Variants in NAALADL2 observed in about 807,000 individuals in gnomAD.
NAALADL2 encodes inactive N-acetylated-alpha-linked acidic dipeptidase-like protein 2.
NAALADL2 carries 76 observed loss-of-function variants against 87.2 expected under a neutral mutation model. The ratio of observed to expected loss-of-function variants is 0.87; its 90% confidence interval spans 0.72 to 1.05. NAALADL2 has a LOEUF of 1.05. Ranked by LOEUF, NAALADL2 falls within the 50% of genes least tolerant of loss-of-function variation. The pLI, the probability that NAALADL2 is intolerant of heterozygous loss-of-function variation, is 0.00. For synonymous variants in NAALADL2, 354 were observed against 331.0 expected, an observed-to-expected ratio of 1.07 and a Z score of -0.75; for missense variants, 1,089 against 945.8, an observed-to-expected ratio of 1.15 and a Z score of -1.99.
chr3:174,840,379 A>C (rs1260779968), intron 3 of NAALADL2, among the ~76,000 whole-genome samples: 1 of 152,120 alleles, frequency 6.6e-6, no homozygotes, highest in East Asian at 1.9e-4. Flanking sequence ...CAAGGTGTGC[A>C]CTAGGAGTCG....
At chr3:174,879,311 C>T (rs1000642761) in intron 1 of NAALADL2, among the ~76,000 whole-genome samples, 1 of 151,920 alleles carries the variant, frequency 6.6e-6, no homozygotes, top group Admixed American at 6.6e-5. Context: ...TTAATTTTGC[C>T]AAAGCCAAAT....
At chr3:175,076,726 A>C (rs1041470962) in intron 1 of NAALADL2, among the ~76,000 whole-genome samples, 4 of 152,210 alleles carry the variant, frequency 2.6e-5, no homozygotes, top group African/African-American at 9.6e-5. Context: ...GTTGGAATGT[A>C]GTCCAATATC....
intron 1 of NAALADL2, among the ~76,000 whole-genome samples, chr3:174,466,392 CT>C (rs1336066342): frequency 1.5e-4 from 23 of 151,928 alleles, no homozygotes; most frequent in Admixed American, 1.2e-3. Flanking sequence ...TGGACCCCCC[CT>C]GGGTTAGAAC....
At chr3:174,799,031 A>T (rs1818565) in intron 3 of NAALADL2, among the ~76,000 whole-genome samples, 2 of 151,992 alleles carry the variant, frequency 1.3e-5, no homozygotes, top group South Asian at 4.2e-4. Flanking sequence ...TTACTTGGGC[A>T]TGGTGGCACA....
intron 1 of NAALADL2, among the ~76,000 whole-genome samples, chr3:174,968,730 G>T (rs1418213959): frequency 6.6e-6 from 1 of 152,056 alleles, no homozygotes; most frequent in African/African-American, 2.4e-5. Context: ...CGCCGCCTCG[G>T]CCTCCCAAAG....
intron 4 of NAALADL2, chr3:175,256,807 A>G (rs1427353333): frequency 4.7e-6 from 1 of 213,184 alleles, no homozygotes; most frequent in Non-Finnish European, 9.2e-6. Context: ...TGGGACCTTA[A>G]TAAAATTGGC....
chr3:174,881,928 G>A (rs1729240757), intron 1 of NAALADL2, among the ~76,000 whole-genome samples: 1 of 152,016 alleles, frequency 6.6e-6, no homozygotes, highest in Non-Finnish European at 1.5e-5. Context: ...TCAGATTTGG[G>A]GAAAGGCCTT....
intron 2 of NAALADL2, among the ~76,000 whole-genome samples, chr3:174,566,318 A>C (rs1409235655): frequency 6.6e-6 from 1 of 151,868 alleles, no homozygotes; most frequent in East Asian, 1.9e-4. Context: ...ATTTTTCAGC[A>C]CTTTGAGGAC....
intron 1 of NAALADL2, among the ~76,000 whole-genome samples, chr3:174,451,215 T>G (rs1351725929): frequency 6.6e-6 from 1 of 152,196 alleles, no homozygotes; most frequent in Non-Finnish European, 1.5e-5. Context: ...CTGTAAGTAC[T>G]GAGGGTTTAA....
intron 1 of NAALADL2, among the ~76,000 whole-genome samples, chr3:174,910,721 AGTTT>A (rs2108298998): frequency 6.6e-6 from 1 of 152,112 alleles, no homozygotes; most frequent in South Asian, 2.1e-4. Flanking sequence ...AACAATATCA[AGTTT>A]GTTAATTGAT....
intron 10 of NAALADL2, among the ~76,000 whole-genome samples, chr3:175,619,631 T>TTACA (rs931015204): frequency 1.2e-4 from 18 of 152,274 alleles, no homozygotes; most frequent in African/African-American, 3.6e-4. Context: ...TTGTTCTGAA[T>TTACA]TACACTCCTG....
At chr3:174,521,078 CA>C (rs1720248566) in intron 1 of NAALADL2, among the ~76,000 whole-genome samples, 1 of 152,110 alleles carries the variant, frequency 6.6e-6, no homozygotes, top group South Asian at 2.1e-4. Flanking sequence ...TAAATTAGTA[CA>C]ACCTCTGTGC....
At position 175,140,040 on chromosome 3, in the gene NAALADL2, C is replaced by T. The variant is rs529085791; in HGVS notation, c.545+42749C>T. ...CTTATAGTCTATAGAGGAGATAATA[C>T]GGATAAACAAAGGGATTTAAATTCA... is the stretch of plus-strand genomic sequence containing the variant. On this transcript the variant is annotated intron_variant, in intron 2 of 13. Coordinates refer to ENST00000454872, the MANE Select transcript of NAALADL2 (RefSeq NM_207015.3). Among the ~76,000 whole-genome samples, 263 of 152,168 alleles carry T rather than the reference C, an allele frequency of 1.7e-3. 2 individuals are homozygous for T. The highest frequency in any genetic ancestry group is 2.8e-3 in the Non-Finnish European group (190 of 67,992).
Position 174,556,002 on chromosome 3 carries a change from TGTGTGTGC to T in NAALADL2, c.-115+5367_-115+5374del, listed in dbSNP as rs760853534. ...GTGTGTGTGTGTGTGTGTGTGTGTG[TGTGTGTGC>T]GCGCACGTGAGTGTGTTTCTTCTAG... On this transcript the variant is annotated intron_variant, in intron 2 of 3. Transcript: ENST00000434257. Among the ~76,000 whole-genome samples the T allele has an allele frequency of 6.4e-3, 892 of 138,386 alleles. 4 individuals are homozygous for T. Among genetic ancestry groups the T allele is most frequent in the African/African-American group, 0.017 (605 of 35,132 alleles). The allele number at this position is 138,386 out of a possible 152,430, so 90.8% of individuals were successfully genotyped here.
chr3:174,614,287 G>A (rs573568585), intron 2 of NAALADL2, among the ~76,000 whole-genome samples: 6 of 152,268 alleles, frequency 3.9e-5, no homozygotes, highest in African/African-American at 1.4e-4. Context: ...TATCCTTGTA[G>A]CCTTGACTAC....
At chr3:175,229,588 C>T (rs148599483) in intron 2 of NAALADL2, among the ~76,000 whole-genome samples, 160 of 151,950 alleles carry the variant, frequency 1.1e-3, no homozygotes, top group African/African-American at 3.6e-3. Flanking sequence ...AGGGCCTGCT[C>T]CCTCATGGAT....
At chr3:175,041,080 A>T (rs1182999243) in intron 1 of NAALADL2, among the ~76,000 whole-genome samples, 1 of 152,094 alleles carries the variant, frequency 6.6e-6, no homozygotes, top group Non-Finnish European at 1.5e-5. Flanking sequence ...ATTCATTATT[A>T]TCGATATTTT....
chr3:175,420,849 C>G (rs1581808899), intron 5 of NAALADL2, among the ~76,000 whole-genome samples: 1 of 151,858 alleles, frequency 6.6e-6, no homozygotes, highest in African/African-American at 2.4e-5. Flanking sequence ...CAGTGAAAGA[C>G]CTTTGTTAAA....
At chr3:175,596,454 G>C in intron 10 of NAALADL2, among the ~76,000 whole-genome samples, 1 of 151,846 alleles carries the variant, frequency 6.6e-6, no homozygotes, top group African/African-American at 2.4e-5. Flanking sequence ...GTAAATATAG[G>C]AATAGACTAT....
Sources: gnomAD v4.1 joint callset for allele counts (sites outside exome capture counted in the v4.1 genomes callset) on GRCh38, gnomAD v4.1.1 for gene constraint, MANE v1.5 for transcripts, NCBI Gene and HGNC (gene_info 2026-07-23, HGNC 2026-07-21) for gene names.